LARGE1: variants seen among roughly 807,000 people sequenced by gnomAD.
LARGE1 encodes the protein xylosyl- and glucuronyltransferase LARGE1.
LARGE1 carries 43 observed loss-of-function variants against 87.6 expected under a neutral mutation model. The ratio of observed to expected loss-of-function variants is 0.49; its 90% CI spans 0.38 to 0.63. The LOEUF (loss-of-function observed/expected upper bound fraction) is 0.63. LARGE1 is among the 30% of genes least tolerant of loss of function. The pLI, the probability that LARGE1 is intolerant of heterozygous loss-of-function variation, is 0.00. For missense variants in LARGE1, 802 were observed against 1,000.2 expected, an observed-to-expected ratio of 0.80 and a Z score of 2.67; for synonymous variants, 434 against 394.6, an observed-to-expected ratio of 1.10 and a Z score of -1.18.
chr22:33,332,761 T>C (rs1050268017), intron 10 of LARGE1, among the ~76,000 whole-genome samples: 5 of 152,164 alleles, frequency 3.3e-5, no homozygotes, highest in Non-Finnish European at 7.4e-5. Context: ...AGAGCTGTGG[T>C]TCAGGAGTGC....
chr22:33,169,687 G>A (rs1369993983), intron 11 of LARGE1, among the ~76,000 whole-genome samples: 3 of 151,640 alleles, frequency 2.0e-5, no homozygotes, highest in South Asian at 2.1e-4. Context: ...CCGCCTCTAC[G>A]AAAAATACAA....
At chr22:33,872,470 C>T (rs568602763) in intron 1 of LARGE1, among the ~76,000 whole-genome samples, 4 of 151,904 alleles carry the variant, frequency 2.6e-5, no homozygotes, top group Admixed American at 6.6e-5. Context: ...TGCTATCCAT[C>T]GTCATCACCA....
At chr22:33,297,609 CAAAAA>C (rs201010972) in intron 12 of LARGE1, among the ~76,000 whole-genome samples, 1 of 62,806 alleles carries the variant, frequency 1.6e-5, no homozygotes, top group Non-Finnish European at 3.8e-5. Context: ...GACTCCGTCT[CAAAAA>C]AAAAAAAAAA....
At chr22:33,540,328 T>C (rs556727191) in intron 6 of LARGE1, among the ~76,000 whole-genome samples, 4 of 152,192 alleles carry the variant, frequency 2.6e-5, no homozygotes, top group African/African-American at 4.8e-5. Flanking sequence ...AGTGAAGAGT[T>C]TGGAGTTGAC....
intron 11 of LARGE1, among the ~76,000 whole-genome samples, chr22:33,195,503 AT>A (rs1924016054): frequency 6.6e-6 from 1 of 152,126 alleles, no homozygotes; most frequent in African/African-American, 2.4e-5. Flanking sequence ...GCAGAATTAA[AT>A]TAGACACAAG....
intron 2 of LARGE1, among the ~76,000 whole-genome samples, chr22:33,671,758 T>A (rs1197890178): frequency 6.6e-6 from 1 of 152,210 alleles, no homozygotes; most frequent in Non-Finnish European, 1.5e-5. Flanking sequence ...GTTCCATTAT[T>A]GGAACACTAA....
the LARGE1 span, among the ~76,000 whole-genome samples, chr22:33,109,960 C>A: frequency 6.6e-6 from 1 of 152,160 alleles, no homozygotes; most frequent in Non-Finnish European, 1.5e-5. Flanking sequence ...AACCGTGAGC[C>A]AAATAAATCT....
intron 7 of LARGE1, among the ~76,000 whole-genome samples, chr22:33,415,967 C>A (rs1234633434): frequency 6.6e-6 from 1 of 152,216 alleles, no homozygotes; most frequent in Non-Finnish European, 1.5e-5. Context: ...ATGACAGGAG[C>A]CTCTTGTCCC....
At chr22:33,626,120 T>C (rs1226070478) in intron 4 of LARGE1, 124 bp downstream of exon 4, 6 of 804,452 alleles carry the variant, frequency 7.5e-6, no homozygotes, top group South Asian at 1.4e-5. Flanking sequence ...CAGACAAAAA[T>C]TACATTTTTA....
chr22:33,828,311 A>G (rs907458369), intron 1 of LARGE1, among the ~76,000 whole-genome samples: 1 of 152,260 alleles, frequency 6.6e-6, no homozygotes, highest in Non-Finnish European at 1.5e-5. Flanking sequence ...GAGTTCTTAA[A>G]GAATCCAGGG....
chr22:33,273,748 C>T lies in LARGE1; in HGVS notation c.*679G>A. ...AGAGGCAGCTGATTTTCCTTTAGAG[C>T]CTCAAAGGATCAGATTTTCTATTTT... On this transcript the variant is annotated 3_prime_UTR_variant, in exon 15 of 15. Transcript: ENST00000397394. The T allele has an allele frequency of 2.5e-6, 1 of 398,506 alleles. No homozygotes were observed. The highest frequency in any genetic ancestry group is 1.4e-4 in the South Asian group (1 of 7,076). The allele number at this position is 398,506 out of a possible 1,614,324, so 24.7% of individuals were successfully genotyped here. A position where few individuals can be genotyped will look rare whatever the true frequency, so the allele number is the denominator to read the frequency against.
chr22:33,394,539 G>A (rs1173763428), intron 7 of LARGE1, among the ~76,000 whole-genome samples: 1 of 152,134 alleles, frequency 6.6e-6, no homozygotes, highest in Non-Finnish European at 1.5e-5. Context: ...AAAGTAGATG[G>A]AATTATCTCT....
intron 1 of LARGE1, among the ~76,000 whole-genome samples, chr22:33,781,660 T>A (rs1265271471): frequency 6.6e-6 from 1 of 152,212 alleles, no homozygotes; most frequent in Non-Finnish European, 1.5e-5. Context: ...TCAACTGGTC[T>A]ACCCCAGGGT....
Position 33,557,185 on chromosome 22 carries a change from A to T in LARGE1, c.787+7663T>A, listed in dbSNP as rs1211685234. 3.9e-5 allele frequency among the ~76,000 whole-genome samples: 6 copies of T among 152,242 alleles called. No homozygotes were observed. The East Asian group carries it at 1.2e-3, about 29-fold the overall frequency. The stretch of plus-strand genomic sequence containing the variant: ...ACAAAAACGAGGCTCTGAGAAGTTA[A>T]ATGATCTTTCTAATATATAAGACAA... On this transcript the variant is annotated intron_variant, in intron 6 of 14. Coordinates refer to ENST00000397394, the MANE Select transcript of LARGE1 (RefSeq NM_133642.5).
At chr22:33,420,878 C>T (rs528506486) in intron 7 of LARGE1, among the ~76,000 whole-genome samples, 4 of 152,270 alleles carry the variant, frequency 2.6e-5, no homozygotes, top group Admixed American at 6.5e-5. Flanking sequence ...TCCCCATTTA[C>T]GTACTTCGAG....
At chr22:33,691,257 T>G (rs2082090630) in intron 2 of LARGE1, among the ~76,000 whole-genome samples, 1 of 151,570 alleles carries the variant, frequency 6.6e-6, no homozygotes, top group African/African-American at 2.4e-5. Context: ...ATTGACATTT[T>G]GAGGGAGGGA....
intron 9 of LARGE1, among the ~76,000 whole-genome samples, chr22:33,339,333 T>A (rs973502681): frequency 1.3e-5 from 2 of 151,456 alleles, no homozygotes; most frequent in African/African-American, 4.9e-5. Context: ...GTGCTCTAGC[T>A]GGAGCACAAG....
intron 3 of LARGE1, among the ~76,000 whole-genome samples, chr22:33,633,645 C>T (rs1026753102): frequency 2.0e-5 from 3 of 152,306 alleles, no homozygotes; most frequent in South Asian, 2.1e-4. Flanking sequence ...CCTGGGGGCA[C>T]GATTCAGTTA....
At chr22:33,683,078 T>C (rs192506381) in intron 2 of LARGE1, among the ~76,000 whole-genome samples, 5 of 152,360 alleles carry the variant, frequency 3.3e-5, no homozygotes, top group African/African-American at 9.6e-5. Flanking sequence ...CACCATAAGA[T>C]ATACGATGCA....
Sources: allele counts gnomAD v4.1 joint callset (sites outside exome capture counted in the v4.1 genomes callset), GRCh38; gene constraint gnomAD v4.1.1; transcripts MANE v1.5; gene names NCBI Gene and HGNC (gene_info 2026-07-23, HGNC 2026-07-21).